SHISAL1: variants seen among roughly 807,000 people sequenced by gnomAD.
SHISAL1 encodes shisa like 1.
Under a neutral mutation model 22.6 loss-of-function variants are expected in SHISAL1, and 9 were observed. The ratio of observed to expected loss-of-function variants is 0.40; its 90% confidence interval spans 0.24 to 0.70. SHISAL1 has a LOEUF of 0.70. Ranked by LOEUF, SHISAL1 falls within the 30% of genes least tolerant of loss-of-function variation. The pLI is 0.39. For synonymous variants in SHISAL1, 119 were observed against 115.4 expected (o/e 1.03, Z -0.20); for missense variants, 246 against 270.6 (o/e 0.91, Z 0.64).
intron 3 of SHISAL1, 140 bp from the exon 4 acceptor site, chr22:44,285,885 G>A (rs934744628): frequency 9.8e-6 from 7 of 714,172 alleles, no homozygotes; most frequent in Admixed American, 2.7e-5. Flanking sequence ...CCCCTCTGGA[G>A]GGCGGGGCCT....
intron 3 of SHISAL1, among the ~76,000 whole-genome samples, chr22:44,289,471 T>TGTGC (rs1298669460): frequency 6.6e-6 from 1 of 150,916 alleles, no homozygotes; most frequent in Non-Finnish European, 1.5e-5. Flanking sequence ...TGTAAATGTG[T>TGTGC]GTGTGTGTGT....
chr22:44,253,173 A>T (rs1201164499), intron 4 of SHISAL1, among the ~76,000 whole-genome samples: 2 of 152,162 alleles, frequency 1.3e-5, no homozygotes, highest in African/African-American at 4.8e-5. Flanking sequence ...AAAAAGGATG[A>T]ACAGAAGCAT....
At position 44,263,080 on chromosome 22, in the gene SHISAL1, T is replaced by TTTCTG. The variant is rs1491106477; in HGVS notation, c.*-13396_*-13395insCAGAA. Among the ~76,000 whole-genome samples the TTTCTG allele has an allele frequency of 1.7e-3, 36 of 21,504 alleles. 1 individual carries two copies. Among genetic ancestry groups the TTTCTG allele is most frequent in the Non-Finnish European group, 6.3e-4 (5 of 7,962 alleles). 14.1% of individuals were successfully genotyped at this position (21,504 alleles called of 152,430 possible). ...CTTCACGTATTTTTTTCTTTCTTTC[T>TTTCTG]TTTTTTTTTTTTTTTTTTTGGAGAT... is the stretch of plus-strand genomic sequence containing the variant. On this transcript the variant is annotated intron_variant, in intron 4 of 4. Transcript: ENST00000381176.
intron 4 of SHISAL1, among the ~76,000 whole-genome samples, chr22:44,262,263 C>T (rs1177939842): frequency 6.6e-6 from 1 of 152,220 alleles, no homozygotes; most frequent in Non-Finnish European, 1.5e-5. Context: ...TTCAGAGGAT[C>T]ACAAGGAGCA....
chr22:44,322,600 A>G, the SHISAL1 span, among the ~76,000 whole-genome samples: 7 of 152,166 alleles, frequency 4.6e-5, no homozygotes, highest in African/African-American at 1.4e-4. Flanking sequence ...CTCTCCCCAC[A>G]TTATGGAGGG....
Position 44,275,852 on chromosome 22 carries a change from C to T in SHISAL1, c.599+9576G>A, listed in dbSNP as rs565222279. ...TCAGCAAGTCCTCAATAAATGGGAG[C>T]TACTGTTACAGTAATAATGCAGCTC... On this transcript the variant is annotated intron_variant, in intron 4 of 4. Coordinates refer to ENST00000381176, the MANE Select transcript of SHISAL1 (RefSeq NM_001099294.2). Among the ~76,000 whole-genome samples the T allele has an allele frequency of 1.2e-3, 176 of 152,354 alleles. 1 individual carries two copies. Among genetic ancestry groups the T allele is most frequent in the Non-Finnish European group, 2.0e-3 (139 of 68,036 alleles).
At position 44,244,747 on chromosome 22, in the gene SHISAL1, A is replaced by C. The variant is rs929823027; in HGVS notation, c.*4938T>G. On this transcript the variant is annotated 3_prime_UTR_variant, in exon 5 of 5. Coordinates refer to ENST00000381176, the MANE Select transcript of SHISAL1 (RefSeq NM_001099294.2). Reference sequence around the variant, plus strand: ...CCAGATGGGCCCTGGGTACAGGGCCAGGCAAGTGGCAGGCACTCGGCAAGT... The same window carrying C: ...CCAGATGGGCCCTGGGTACAGGGCCCGGCAAGTGGCAGGCACTCGGCAAGT... 6.6e-6 allele frequency: 1 copy of C among 152,220 alleles called. No individual in the cohort carries two copies. Among genetic ancestry groups the C allele is most frequent in the African/African-American group, 2.4e-5 (1 of 41,452 alleles). The allele number at this position is 152,220 out of a possible 1,614,324, so 9.4% of individuals were successfully genotyped here.
At chr22:44,317,987 A>G in the SHISAL1 span, among the ~76,000 whole-genome samples, 1 of 152,226 alleles carries the variant, frequency 6.6e-6, no homozygotes, top group African/African-American at 2.4e-5. Context: ...CAGCCTCCTG[A>G]CACCAAGGGG....
At chr22:44,260,684 G>T (rs1480638747) in intron 4 of SHISAL1, among the ~76,000 whole-genome samples, 1 of 152,246 alleles carries the variant, frequency 6.6e-6, no homozygotes, top group African/African-American at 2.4e-5. Context: ...GTAGGCCACA[G>T]TCTGGCCTTC....
chr22:44,326,441 G>A, the SHISAL1 span, among the ~76,000 whole-genome samples: 1 of 152,226 alleles, frequency 6.6e-6, no homozygotes, highest in South Asian at 2.1e-4. Flanking sequence ...GGCTTGCCAG[G>A]GAGGAATAAT....
At chr22:44,277,082 C>T (rs538632346) in intron 4 of SHISAL1, among the ~76,000 whole-genome samples, 99 of 152,312 alleles carry the variant, frequency 6.5e-4, no homozygotes, top group African/African-American at 2.2e-3. Context: ...CCACTGAAAC[C>T]CTTTCTTTGT....
chr22:44,309,853 T>G (rs1381463905), intron 1 of SHISAL1, among the ~76,000 whole-genome samples: 1 of 152,240 alleles, frequency 6.6e-6, no homozygotes, highest in Non-Finnish European at 1.5e-5. Flanking sequence ...CTCTGAAACG[T>G]GAAGTCCAGG....
rs534872022 is a variant in SHISAL1 at position 44,275,289 on chromosome 22, G to A, written c.599+10139C>T. Among the ~76,000 whole-genome samples the A allele has an allele frequency of 1.5e-4, 23 of 152,280 alleles. 1 individual carries two copies. The highest frequency in any genetic ancestry group is 3.3e-4 in the Admixed American group (5 of 15,296). ...TGGTGCAGGGGAAAAGACAAACCCC[G>A]AAAGCAAACAAAACCAACCACGCAC... On this transcript the variant is annotated intron_variant, in intron 4 of 4. Transcript: ENST00000381176.
rs962910722 is a variant in SHISAL1, at chr22:44,300,780, C to G, written c.67+99G>C. ...AAGGTGGAGGACAAAAGGCAAGCCT[C>G]TGTGTGCCCCCAGAACCCCAGATGG... is the stretch of plus-strand genomic sequence containing the variant. On this transcript the variant is annotated intron_variant, in intron 2 of 4. Transcript: ENST00000381176. 1.1e-5 allele frequency: 11 copies of G among 1,004,522 alleles called. No homozygotes were observed. In the African/African-American group the frequency reaches 1.6e-4, roughly 14 times the overall value. The allele number at this position is 1,004,522 out of a possible 1,614,324, so 62.2% of individuals were successfully genotyped here. A position where few individuals can be genotyped will look rare whatever the true frequency, so the allele number is the denominator to read the frequency against.
At chr22:44,264,989 AACAC>A (rs770812861) in intron 4 of SHISAL1, among the ~76,000 whole-genome samples, 6 of 143,854 alleles carry the variant, frequency 4.2e-5, no homozygotes, top group Non-Finnish European at 4.4e-5. Context: ...CAGATCCCTT[AACAC>A]ACACACAACA....
intron 2 of SHISAL1, among the ~76,000 whole-genome samples, chr22:44,300,005 A>T (rs1243399514): frequency 6.6e-6 from 1 of 151,586 alleles, no homozygotes; most frequent in East Asian, 1.9e-4. Context: ...CAGAGGACAG[A>T]AACAGAGAGA....
At position 44,252,767 on chromosome 22, in the gene SHISAL1, G is replaced by C. The variant is rs575462794; in HGVS notation, c.*-3082C>G. ...CTCAGCACTCTGGGAGGCTGAGGCA[G>C]GTAGATCACGAGGTCAGGAGTTCAA... On this transcript the variant is annotated intron_variant, in intron 4 of 4. Coordinates refer to ENST00000381176, the MANE Select transcript of SHISAL1 (RefSeq NM_001099294.2). Among the ~76,000 whole-genome samples the C allele has an allele frequency of 7.2e-5, 11 of 152,018 alleles. No homozygotes were observed. The South Asian group carries it at 2.3e-3, about 32-fold the overall frequency.
In SHISAL1 at chr22:44,267,982, G is replaced by T. The variant is rs546442124; in HGVS notation, c.599+17446C>A. On this transcript the variant is annotated intron_variant, in intron 4 of 4. Transcript: ENST00000381176. ...GGGAGCCTCTGCAGAGACACGGCCG[G>T]AGGCTGCCCTGGCTTTGGGAGTGGG... is the stretch of plus-strand genomic sequence containing the variant. Among the ~76,000 whole-genome samples the T allele has an allele frequency of 5.9e-5, 9 of 152,374 alleles. No homozygotes were observed. In the East Asian group the frequency reaches 1.7e-3, roughly 29 times the overall value.
At position 44,302,945 on chromosome 22, in the gene SHISAL1, A is replaced by AGGCCCTGGGGTGGGTGCGGT. The variant is rs2055442410; in HGVS notation, c.-32-1969_-32-1968insACCGCACCCACCCCAGGGCC. Among the ~76,000 whole-genome samples, 3 of 127,794 alleles carry AGGCCCTGGGGTGGGTGCGGT rather than the reference A, an allele frequency of 2.3e-5. 1 individual carries two copies. The highest frequency in any genetic ancestry group is 2.3e-4 in the East Asian group (1 of 4,444). 83.8% of individuals were successfully genotyped at this position (127,794 alleles called of 152,430 possible). A position where few individuals can be genotyped will look rare whatever the true frequency, so the allele number is the denominator to read the frequency against. On this transcript the variant is annotated intron_variant, in intron 1 of 4. Transcript: ENST00000381176. ...TGCAGTGAGGAGGCAGCAGGGGCAA[A>AGGCCCTGGGGTGGGTGCGGT]GACCCTGGGGTTGGGGTATCAGCAG...
Sources: allele counts gnomAD v4.1 joint callset (sites outside exome capture counted in the v4.1 genomes callset), GRCh38; gene constraint gnomAD v4.1.1; transcripts MANE v1.5; gene names NCBI Gene and HGNC (gene_info 2026-07-23, HGNC 2026-07-21).